Variants in VAPA observed in about 807,000 individuals in gnomAD.
VAPA encodes VAMP associated protein A.
VAPA carries 6 observed loss-of-function variants against 25.6 expected under a neutral mutation model. The ratio of observed to expected loss-of-function variants is 0.23; its 90% confidence interval spans 0.13 to 0.46. VAPA has a LOEUF of 0.46. Among genes scored for constraint, VAPA ranks in the 20% least tolerant of loss-of-function variants. The pLI is 0.99. For missense variants in VAPA, 244 were observed against 302.1 expected (o/e 0.81, Z 1.43); for synonymous variants, 112 against 106.2 (o/e 1.05, Z -0.34).
chr18:9,952,351 G>A (rs951359874), intron 5 of VAPA, among the ~76,000 whole-genome samples: 4 of 152,054 alleles, frequency 2.6e-5, no homozygotes, highest in African/African-American at 9.7e-5. Flanking sequence ...TGGATCACCT[G>A]AGGTCAGGAG....
intron 2 of VAPA, among the ~76,000 whole-genome samples, chr18:9,934,908 C>T (rs2069292281): frequency 6.6e-6 from 1 of 151,708 alleles, no homozygotes; most frequent in Admixed American, 6.6e-5. Context: ...TCCTGGATAA[C>T]ACGGTGAAAC....
In VAPA at chr18:9,959,932, A is replaced by AGGG. The variant is rs887885454; in HGVS notation, c.*5722_*5724dup. On this transcript the variant is annotated 3_prime_UTR_variant, in exon 6 of 6. Coordinates refer to ENST00000400000, the MANE Select transcript of VAPA (RefSeq NM_194434.3). ...TATATAATATGTAGATAAATATATG[A>AGGG]GGGTATTAAGCTACTTTGAATTAAA... 6.6e-5 allele frequency: 10 copies of AGGG among 152,238 alleles called. No homozygotes were observed. The highest frequency in any genetic ancestry group is 1.2e-4 in the Non-Finnish European group (8 of 67,994). The allele number at this position is 152,238 out of a possible 1,614,324, so 9.4% of individuals were successfully genotyped here.
intron 1 of VAPA, among the ~76,000 whole-genome samples, chr18:9,915,444 T>G (rs2069104450): frequency 6.6e-6 from 1 of 152,192 alleles, no homozygotes. Context: ...GATTTTTATT[T>G]TTTTTCTTTG....
intron 1 of VAPA, among the ~76,000 whole-genome samples, chr18:9,925,769 C>T (rs1008333263): frequency 6.7e-6 from 1 of 149,882 alleles, no homozygotes; most frequent in Non-Finnish European, 1.5e-5. Context: ...ATACTTATTT[C>T]AGGAAGTGTT....
intron 4 of VAPA, 81 bp from the exon 5 acceptor site, chr18:9,950,314 G>A: frequency 6.8e-7 from 1 of 1,469,630 alleles, no homozygotes; most frequent in Non-Finnish European, 9.3e-7. Context: ...GAACAAAGAT[G>A]TAGAATTTAT....
intron 1 of VAPA, among the ~76,000 whole-genome samples, chr18:9,927,891 A>C (rs1330749409): frequency 6.6e-6 from 1 of 152,134 alleles, no homozygotes; most frequent in Non-Finnish European, 1.5e-5. Context: ...ACTTAGTGGC[A>C]GGAAATGGTA....
chr18:9,921,015 T>C (rs565574623), intron 1 of VAPA, among the ~76,000 whole-genome samples: 1 of 152,348 alleles, frequency 6.6e-6, no homozygotes, highest in East Asian at 1.9e-4. Flanking sequence ...TCACATTAGA[T>C]AGTAGTTAGG....
intron 1 of VAPA, among the ~76,000 whole-genome samples, chr18:9,917,316 A>T (rs934324469): frequency 4.9e-4 from 74 of 151,794 alleles, no homozygotes; most frequent in African/African-American, 1.7e-3. Flanking sequence ...AAATTTTTTT[A>T]TTTTTTGAGA....
rs3025577 is a variant in VAPA at position 9,950,138 on chromosome 18, G to A, written c.418-257G>A. The A allele has an allele frequency of 1.1e-5, 4 of 357,568 alleles. No homozygotes were observed. In the South Asian group the frequency reaches 1.3e-4, roughly 11 times the overall value. 22.1% of individuals were successfully genotyped at this position (357,568 alleles called of 1,614,324 possible). ...GATGGCTCTTGCTCTCTCAGCCTTT[G>A]AAGTATTACAGGAAAGAACTTGAAC... is the stretch of plus-strand genomic sequence containing the variant. On this transcript the variant is annotated intron_variant, in intron 4 of 5. Transcript: ENST00000400000.
intron 5 of VAPA, chr18:9,951,138 C>T (rs1302553984): frequency 3.9e-5 from 6 of 152,258 alleles, no homozygotes; most frequent in Non-Finnish European, 7.3e-5. Context: ...TTTAACTTTA[C>T]ATACGGGGCT....
At chr18:9,933,957 TG>T (rs1336390685) in intron 2 of VAPA, among the ~76,000 whole-genome samples, 1 of 152,254 alleles carries the variant, frequency 6.6e-6, no homozygotes, top group Non-Finnish European at 1.5e-5. Flanking sequence ...CCTAGATTGC[TG>T]GTTTCTGTGT....
chr18:9,945,710 G>A (rs2069416023), intron 4 of VAPA, among the ~76,000 whole-genome samples: 1 of 152,106 alleles, frequency 6.6e-6, no homozygotes, highest in South Asian at 2.1e-4. Flanking sequence ...TGGTTTTGCA[G>A]ATGATATGCA....
At chr18:9,953,913 G>A in intron 5 of VAPA, 140 bp from the exon 6 acceptor site, 2 of 933,278 alleles carry the variant, frequency 2.1e-6, no homozygotes. Context: ...TTCCTTATGT[G>A]GTTAGCAGTT....
chr18:9,954,877 A>C lies in VAPA; in HGVS notation c.*666A>C, dbSNP rs2069530784. 6.6e-6 allele frequency: 1 copy of C among 152,656 alleles called. No individual in the cohort carries two copies. The allele number at this position is 152,656 out of a possible 1,614,324, so 9.5% of individuals were successfully genotyped here. ...AGAGGGAACTCCACTATATATGGTC[A>C]CTTGAAATTATGATGCAAAGGTTTC... On this transcript the variant is annotated 3_prime_UTR_variant, in exon 6 of 6. Transcript: ENST00000400000.
At chr18:9,940,366 C>T (rs1454080552) in intron 4 of VAPA, among the ~76,000 whole-genome samples, 2 of 152,014 alleles carry the variant, frequency 1.3e-5, no homozygotes, top group African/African-American at 4.8e-5. Context: ...AAGCTCAGGG[C>T]CATTTCAGTG....
At chr18:9,948,914 T>C (rs1414118343) in intron 4 of VAPA, 2 of 152,228 alleles carry the variant, frequency 1.3e-5, no homozygotes, top group Non-Finnish European at 2.9e-5. Context: ...ATGATACTTT[T>C]TCCCAATTTT....
At chr18:9,919,254 T>G (rs1341794514) in intron 1 of VAPA, among the ~76,000 whole-genome samples, 3 of 152,238 alleles carry the variant, frequency 2.0e-5, no homozygotes, top group Non-Finnish European at 4.4e-5. Flanking sequence ...AATTAAAATC[T>G]GTGTTTCTAT....
chr18:9,924,655 T>C (rs1436846509), intron 1 of VAPA, among the ~76,000 whole-genome samples: 6 of 152,196 alleles, frequency 3.9e-5, no homozygotes, highest in Non-Finnish European at 8.8e-5. Context: ...GGGTTTAAGA[T>C]TGAATTATCT....
At chr18:9,942,954 A>AT (rs1477973654) in intron 4 of VAPA, among the ~76,000 whole-genome samples, 1 of 152,178 alleles carries the variant, frequency 6.6e-6, no homozygotes, top group Non-Finnish European at 1.5e-5. Context: ...TTGTATGCGT[A>AT]TACCCCACTT....
Sources: gnomAD v4.1 joint callset for allele counts (sites outside exome capture counted in the v4.1 genomes callset) on GRCh38, gnomAD v4.1.1 for gene constraint, MANE v1.5 for transcripts, NCBI Gene and HGNC (gene_info 2026-07-23, HGNC 2026-07-21) for gene names.